SFMBT2: variants seen among roughly 807,000 people sequenced by gnomAD.
SFMBT2 encodes scm-like with four MBT domains protein 2.
In SFMBT2, 38 loss-of-function variants were observed where a neutral mutation model predicts 110.1. The observed-to-expected ratio is 0.35, with a 90% CI of 0.27 to 0.45. The LOEUF (loss-of-function observed/expected upper bound fraction) is 0.45. Ranked by LOEUF, SFMBT2 falls within the 20% of genes least tolerant of loss-of-function variation. SFMBT2 has a pLI of 1.00. For synonymous variants in SFMBT2, 425 were observed against 425.4 expected, an observed-to-expected ratio of 1.00 and a Z score of 0.01; for missense variants, 1,011 against 1,094.9, an observed-to-expected ratio of 0.92 and a Z score of 1.08.
chr10:7,344,180 T>G (rs74954234), intron 4 of SFMBT2, among the ~76,000 whole-genome samples: 1 of 152,164 alleles, frequency 6.6e-6, no homozygotes, highest in African/African-American at 2.4e-5. Context: ...TCCCTAACAC[T>G]GAAGTATTAG....
chr10:7,164,833 T>A (rs1225286975), intron 20 of SFMBT2, among the ~76,000 whole-genome samples: 2 of 151,050 alleles, frequency 1.3e-5, no homozygotes, highest in Admixed American at 1.3e-4. Context: ...GTGTCGCTCG[T>A]ACACAGATCT....
rs948321485 is a variant in SFMBT2, at chr10:7,320,563, A to C, written c.437-34609T>G. 1.6e-5 allele frequency: 16 copies of C among 980,250 alleles called. No individual in the cohort carries two copies. In the African/African-American group the frequency reaches 2.8e-4, roughly 17 times the overall value. The allele number at this position is 980,250 out of a possible 1,614,324, so 60.7% of individuals were successfully genotyped here. A position where few individuals can be genotyped will look rare whatever the true frequency, so the allele number is the denominator to read the frequency against. On this transcript the variant is annotated intron_variant, in intron 4 of 20. Transcript: ENST00000397167. ...TTTCACTATAGGAAGTAAGATCAAC[A>C]ATTGCAGAGAACAGTAAAGTCACAC...
chr10:7,294,959 T>C (rs925018517), intron 4 of SFMBT2: 5 of 152,188 alleles, frequency 3.3e-5, no homozygotes, highest in African/African-American at 4.8e-5. Context: ...CATTTCTCTA[T>C]AGACTCTTTT....
chr10:7,403,276 C>G (rs1381384405), intron 1 of SFMBT2, among the ~76,000 whole-genome samples: 1 of 152,158 alleles, frequency 6.6e-6, no homozygotes, highest in Non-Finnish European at 1.5e-5. Context: ...TCCAAAGACT[C>G]AATCAAACTC....
At chr10:7,333,369 A>G (rs1166362639) in intron 4 of SFMBT2, among the ~76,000 whole-genome samples, 1 of 151,108 alleles carries the variant, frequency 6.6e-6, no homozygotes, top group Non-Finnish European at 1.5e-5. Context: ...TATCTGGTGG[A>G]TGAGGATAAC....
chr10:7,176,966 T>C (rs983733490), intron 16 of SFMBT2, among the ~76,000 whole-genome samples: 1 of 152,082 alleles, frequency 6.6e-6, no homozygotes, highest in African/African-American at 2.4e-5. Context: ...GAAATGGTAA[T>C]GCCGCTTGCC....
At chr10:7,389,826 T>A (rs988809014) in intron 1 of SFMBT2, among the ~76,000 whole-genome samples, 8 of 152,244 alleles carry the variant, frequency 5.3e-5, no homozygotes, top group Non-Finnish European at 2.9e-5. Context: ...ATTGTACATT[T>A]TCTGCATTCA....
At chr10:7,386,141 G>C (rs1413270508) in intron 1 of SFMBT2, among the ~76,000 whole-genome samples, 2 of 152,130 alleles carry the variant, frequency 1.3e-5, no homozygotes, top group Non-Finnish European at 2.9e-5. Flanking sequence ...GCCATCTCAG[G>C]ATGGCTCATG....
At chr10:7,379,139 C>A (rs1845353947) in intron 2 of SFMBT2, among the ~76,000 whole-genome samples, 1 of 152,112 alleles carries the variant, frequency 6.6e-6, no homozygotes. Context: ...AGTCTGAACT[C>A]ATACACCTAT....
intron 16 of SFMBT2, among the ~76,000 whole-genome samples, chr10:7,179,391 G>GAAAAAA (rs57497418): frequency 3.9e-3 from 274 of 70,022 alleles, no homozygotes; most frequent in South Asian, 5.5e-3. Flanking sequence ...TTGCATTTTC[G>GAAAAAA]AAAAAAAAAA....
At chr10:7,387,774 T>C (rs988183984) in intron 1 of SFMBT2, among the ~76,000 whole-genome samples, 1 of 95,400 alleles carries the variant, frequency 1.0e-5, no homozygotes, top group Admixed American at 1.1e-4. Context: ...CTATTAAAAA[T>C]AGGAAAAAAA....
intron 1 of SFMBT2, among the ~76,000 whole-genome samples, chr10:7,388,394 T>C (rs1845676707): frequency 6.6e-6 from 1 of 151,642 alleles, no homozygotes; most frequent in South Asian, 2.1e-4. Flanking sequence ...TTTGCTCTTG[T>C]TCACCCAGGC....
chr10:7,357,009 C>T (rs940360346), intron 4 of SFMBT2, among the ~76,000 whole-genome samples: 5 of 152,166 alleles, frequency 3.3e-5, no homozygotes, highest in African/African-American at 1.2e-4. Flanking sequence ...AAAGATAATC[C>T]ATGCATTTAC....
intron 7 of SFMBT2, among the ~76,000 whole-genome samples, chr10:7,269,626 G>A (rs1456686591): frequency 2.0e-5 from 3 of 151,532 alleles, no homozygotes; most frequent in Non-Finnish European, 2.9e-5. Context: ...TCCTTTTACC[G>A]TAATGAAAGA....
chr10:7,301,270 C>T lies in SFMBT2; in HGVS notation c.437-15316G>A, dbSNP rs1312892729. Among the ~76,000 whole-genome samples the T allele has an allele frequency of 6.6e-6, 1 of 152,202 alleles. No homozygotes were observed. The highest frequency in any genetic ancestry group is 1.9e-4 in the East Asian group (1 of 5,194). On this transcript the variant is annotated intron_variant, in intron 4 of 20. Coordinates refer to ENST00000397167, the MANE Select transcript of SFMBT2 (RefSeq NM_001387889.1). This position sits in a 1 kb window ranked among gnomAD's most constrained non-coding sequence, Gnocchi z 4.2. ...CGTCTTTATGTCATGTGCAAATCAG[C>T]GTGAGACACTAGTAACTAGCAAGAC...
In SFMBT2 at chr10:7,175,974, C is replaced by T. The variant is rs756234063; in HGVS notation, c.1984+16G>A. On this transcript the variant is annotated intron_variant, in intron 17 of 20. Transcript: ENST00000397167. ...CTCTGGGCTCATGCATTTCTTTTTT[C>T]ATTATTTGTACTTACTGTATTTGGT... The T allele has an allele frequency of 1.5e-5, 24 of 1,594,198 alleles. No individual in the cohort carries two copies. The Admixed American group carries it at 1.7e-4, about 11-fold the overall frequency.
chr10:7,330,044 A>C (rs1414298741), intron 4 of SFMBT2, among the ~76,000 whole-genome samples: 1 of 152,178 alleles, frequency 6.6e-6, no homozygotes, highest in Admixed American at 6.5e-5. Flanking sequence ...GAACTGATGG[A>C]GATGGTCTAA....
chr10:7,218,625 A>G (rs1456880494), intron 11 of SFMBT2, among the ~76,000 whole-genome samples: 1 of 152,180 alleles, frequency 6.6e-6, no homozygotes, highest in Non-Finnish European at 1.5e-5. Context: ...CAATGAAAAC[A>G]CTCTGGGGAA....
chr10:7,208,689 A>G (rs1191036166), intron 11 of SFMBT2, among the ~76,000 whole-genome samples: 1 of 43,212 alleles, frequency 2.3e-5, no homozygotes, highest in Non-Finnish European at 6.8e-5. Context: ...TCCATCTCAA[A>G]AAAAAAAAAA....
Sources: allele counts gnomAD v4.1 joint callset (sites outside exome capture counted in the v4.1 genomes callset), GRCh38; gene constraint gnomAD v4.1.1; non-coding constraint Gnocchi (gnomAD v3.1); transcripts MANE v1.5; gene names NCBI Gene and HGNC (gene_info 2026-07-23, HGNC 2026-07-21).